The following PHEX variants were observed in gnomAD, a reference collection of about 807,000 sequenced individuals.
PHEX encodes phosphate regulating endopeptidase X-linked, also known as phosphate-regulating neutral endopeptidase PHEX.
A neutral mutation model predicts 68.0 loss-of-function variants in PHEX; 16 were observed. The observed-to-expected ratio is 0.24, with a 90% CI of 0.16 to 0.36. The LOEUF (loss-of-function observed/expected upper bound fraction) is 0.36, where lower values mean the gene tolerates loss of function less well. Ranked by LOEUF, PHEX falls within the 10% of genes least tolerant of loss-of-function variation. The probability of loss-of-function intolerance (pLI) is 1.00; values close to 1 mark genes in which losing one functional copy is unlikely to be tolerated. For synonymous variants in PHEX, 208 were observed against 205.1 expected, an observed-to-expected ratio of 1.01 and a Z score of -0.12; for missense variants, 480 against 575.5, an observed-to-expected ratio of 0.83 and a Z score of 1.70.
At chrX:22,111,101 T>G (rs772306139) in intron 9 of PHEX, among the ~76,000 whole-genome samples, 31 of 112,293 alleles carry the variant, frequency 2.8e-4, no homozygotes, top group Non-Finnish European at 5.4e-4. Context: ...AACAAAAGGA[T>G]GTTGAATGAA....
chrX:22,200,088 G>T (rs1934500634), intron 15 of PHEX, among the ~76,000 whole-genome samples: 1 of 111,939 alleles, frequency 8.9e-6, no homozygotes, highest in Non-Finnish European at 1.9e-5. Flanking sequence ...ATTATGCCAG[G>T]TACTTTAATG....
In PHEX at chrX:22,190,714, A is replaced by G. The variant is rs16981831; in HGVS notation, c.1645+212A>G. On this transcript the variant is annotated intron_variant, in intron 15 of 21. Transcript: ENST00000379374. ...TAAAGCTTTATGTCACCACTGATTG[A>G]AAAAAAGTCAACTACAGTAAACCAA... Among the ~76,000 whole-genome samples, 7,114 of 111,588 alleles carry G rather than the reference A, an allele frequency of 0.064. 228 individuals carry two copies. The highest frequency in any genetic ancestry group is 0.096 in the African/African-American group (2,949 of 30,656).
intron 14 of PHEX, among the ~76,000 whole-genome samples, chrX:22,180,605 G>GC (rs1933854793): frequency 8.9e-6 from 1 of 111,869 alleles, no homozygotes; most frequent in South Asian, 3.7e-4. Flanking sequence ...ATAGCCTCAA[G>GC]CATTTATCCT....
intron 2 of PHEX, 106 bp downstream of exon 2, chrX:22,038,643 C>G: frequency 1.7e-6 from 1 of 598,668 alleles, no homozygotes; most frequent in Admixed American, 2.3e-5. Flanking sequence ...TGAGGTTTAC[C>G]AAGTACGAAA....
chrX:22,060,618 G>A (rs1928319857), intron 3 of PHEX, among the ~76,000 whole-genome samples: 1 of 111,997 alleles, frequency 8.9e-6, no homozygotes, highest in South Asian at 3.7e-4. Flanking sequence ...GCAGACAAGG[G>A]GGCATTTTTG....
chrX:22,212,841 G>A, intron 15 of PHEX, 63 bp from the exon 16 acceptor site: 3 of 894,715 alleles, frequency 3.4e-6, no homozygotes, highest in Non-Finnish European at 5.0e-6. Context: ...GTTATAGCTA[G>A]AACCAGGTAC....
At chrX:22,202,236 G>A (rs1308374397) in intron 15 of PHEX, among the ~76,000 whole-genome samples, 1 of 111,686 alleles carries the variant, frequency 9.0e-6, no homozygotes, top group East Asian at 2.8e-4. Flanking sequence ...CCAAGTCATC[G>A]AGTGTAGTGT....
At chrX:22,114,647 A>G (rs1368599344) in intron 11 of PHEX, 61 bp downstream of exon 11, 13 of 1,019,761 alleles carry the variant, frequency 1.3e-5, no homozygotes, top group South Asian at 1.1e-4. Flanking sequence ...TGACAAGGGT[A>G]TATTCAACAG....
chrX:22,093,887 T>C, intron 6 of PHEX, 96 bp from the exon 7 acceptor site: 1 of 560,928 alleles, frequency 1.8e-6, no homozygotes, highest in East Asian at 3.7e-5. Context: ...ATAAAAGACA[T>C]TTATTTCTAC....
chrX:22,220,157 A>AT (rs1397275150), intron 17 of PHEX, among the ~76,000 whole-genome samples: 1 of 111,428 alleles, frequency 9.0e-6, no homozygotes, highest in Non-Finnish European at 1.9e-5. Context: ...TTACTATCAC[A>AT]TCCATACCCA....
intron 14 of PHEX, among the ~76,000 whole-genome samples, chrX:22,180,505 G>A (rs138287767): frequency 3.9e-4 from 43 of 111,593 alleles, no homozygotes; most frequent in Non-Finnish European, 6.8e-4. Context: ...TTGTGGGTAT[G>A]TAGTAGGTGT....
intron 13 of PHEX, among the ~76,000 whole-genome samples, chrX:22,168,758 G>A (rs1029495132): frequency 8.9e-6 from 1 of 111,954 alleles, no homozygotes; most frequent in African/African-American, 3.2e-5. Flanking sequence ...TGCTTCATTC[G>A]TATTAAATGA....
intron 14 of PHEX, among the ~76,000 whole-genome samples, chrX:22,179,415 A>AC (rs1195425091): frequency 9.0e-6 from 1 of 111,035 alleles, no homozygotes; most frequent in African/African-American, 3.3e-5. Flanking sequence ...ATTTCAGTGC[A>AC]CCCATCACAC....
At chrX:22,180,044 T>C (rs1324032614) in intron 14 of PHEX, among the ~76,000 whole-genome samples, 3 of 109,940 alleles carry the variant, frequency 2.7e-5, no homozygotes, top group South Asian at 4.1e-4. Context: ...TCCTAACTTA[T>C]ACTGCCGAAT....
chrX:22,233,613 C>T (rs1335139669), intron 20 of PHEX, among the ~76,000 whole-genome samples: 1 of 110,950 alleles, frequency 9.0e-6, no homozygotes, highest in Non-Finnish European at 1.9e-5. Context: ...GCTATTGATA[C>T]TTGTGTATGC....
At chrX:22,211,805 C>G (rs1338896639) in intron 15 of PHEX, among the ~76,000 whole-genome samples, 1 of 112,167 alleles carries the variant, frequency 8.9e-6, no homozygotes, top group Non-Finnish European at 1.9e-5. Context: ...TCACAATTAT[C>G]GTGGAAGATA....
intron 13 of PHEX, among the ~76,000 whole-genome samples, chrX:22,176,601 C>T (rs1323776378): frequency 9.2e-6 from 1 of 109,182 alleles, no homozygotes; most frequent in Non-Finnish European, 1.9e-5. Context: ...TGTAATCTTC[C>T]TTGATCTAAT....
chrX:22,178,080 A>G (rs935280679), intron 13 of PHEX, among the ~76,000 whole-genome samples, 193 bp from the exon 14 acceptor site: 4 of 112,060 alleles, frequency 3.6e-5, no homozygotes, highest in Non-Finnish European at 7.5e-5. Flanking sequence ...TGATTTTTGA[A>G]GTTTTTACGT....
At chrX:22,072,174 G>A (rs1928930227) in intron 3 of PHEX, among the ~76,000 whole-genome samples, 1 of 112,569 alleles carries the variant, frequency 8.9e-6, no homozygotes, top group African/African-American at 3.2e-5. Flanking sequence ...GTTGCAGTGA[G>A]CTGAGATCCT....
Sources: gnomAD v4.1 joint callset for allele counts (sites outside exome capture counted in the v4.1 genomes callset) on GRCh38, gnomAD v4.1.1 for gene constraint, MANE v1.5 for transcripts, NCBI Gene and HGNC (gene_info 2026-07-23, HGNC 2026-07-21) for gene names.